Variants in ATG7 observed in about 807,000 individuals in gnomAD.
ATG7 encodes the protein autophagy related 7, also known as ubiquitin-like modifier-activating enzyme ATG7.
Under a neutral mutation model 82.4 loss-of-function variants are expected in ATG7, and 70 were observed. The observed-to-expected ratio is 0.85, with a 90% CI of 0.70 to 1.04. The LOEUF is 1.04. ATG7 is among the 50% of genes least tolerant of loss of function. The probability of loss-of-function intolerance (pLI) is 0.00; values close to 1 mark genes in which losing one functional copy is unlikely to be tolerated. For missense variants in ATG7, 792 were observed against 864.3 expected (o/e 0.92, Z 1.05); for synonymous variants, 287 against 313.0 (o/e 0.92, Z 0.88).
At chr3:11,440,674 C>CTATTTTTT (rs2083842076) in intron 20 of ATG7, among the ~76,000 whole-genome samples, 1 of 39,484 alleles carries the variant, frequency 2.5e-5, no homozygotes, top group Non-Finnish European at 4.1e-5. Flanking sequence ...TCCCCATTTG[C>CTATTTTTT]TTTTTTTTTT....
chr3:11,401,744 G>A (rs1276092782), intron 19 of ATG7, among the ~76,000 whole-genome samples: 1 of 152,180 alleles, frequency 6.6e-6, no homozygotes, highest in Admixed American at 6.5e-5. Context: ...CAGAGTCCAG[G>A]AGGGTCCCAC....
intron 19 of ATG7, among the ~76,000 whole-genome samples, chr3:11,394,142 A>G (rs1043074213): frequency 1.1e-4 from 17 of 152,324 alleles, no homozygotes; most frequent in African/African-American, 4.1e-4. Flanking sequence ...CTCATCCTTT[A>G]TAGTTCCTCT....
intron 20 of ATG7, among the ~76,000 whole-genome samples, chr3:11,488,653 C>A (rs1206285663): frequency 1.3e-5 from 2 of 152,180 alleles, no homozygotes; most frequent in African/African-American, 4.8e-5. Context: ...GCCGTGACCT[C>A]CTCTCAAGAT....
At chr3:11,562,428 G>A (rs753012644), downstream of ATG7, among the ~76,000 whole-genome samples, 20 of 152,078 alleles carry the variant, frequency 1.3e-4, no homozygotes, top group Non-Finnish European at 2.4e-4. Flanking sequence ...CACCCCACAG[G>A]GCTGCAGCAT....
At chr3:11,497,762 T>C (rs528257188) in intron 20 of ATG7, among the ~76,000 whole-genome samples, 18 of 152,162 alleles carry the variant, frequency 1.2e-4, no homozygotes, top group Admixed American at 2.6e-4. Flanking sequence ...GTTTCCCATG[T>C]CTCTGCCAAT....
At chr3:11,306,051 G>A (rs1470613) in intron 5 of ATG7, among the ~76,000 whole-genome samples, 30,509 of 152,186 alleles carry the variant, frequency 0.2, 3,454 homozygotes, top group South Asian at 0.35. Flanking sequence ...GACCAGATTT[G>A]TCCACATCTG....
intron 1 of ATG7, among the ~76,000 whole-genome samples, chr3:11,273,631 A>G (rs1280844880): frequency 2.0e-5 from 3 of 152,212 alleles, no homozygotes; most frequent in Admixed American, 6.5e-5. Context: ...CATATTATAT[A>G]TGCTCAATAA....
At chr3:11,333,496 G>A (rs1951938520) in intron 11 of ATG7, among the ~76,000 whole-genome samples, 1 of 152,090 alleles carries the variant, frequency 6.6e-6, no homozygotes, top group African/African-American at 2.4e-5. Flanking sequence ...TAGTAAACCA[G>A]TCAGGAAAAA....
intron 20 of ATG7, 137 bp from the exon 21 acceptor site, chr3:11,554,674 G>A (rs906890952): frequency 5.4e-5 from 57 of 1,052,080 alleles, no homozygotes; most frequent in Admixed American, 1.7e-4. Flanking sequence ...GTACAGAAAT[G>A]GGGTGACAGT....
At chr3:11,508,629 G>T (rs2091878056) in intron 20 of ATG7, among the ~76,000 whole-genome samples, 2 of 152,054 alleles carry the variant, frequency 1.3e-5, no homozygotes, top group African/African-American at 4.8e-5. Flanking sequence ...TTATTTTCTT[G>T]TAATAGAGAC....
intron 14 of ATG7, among the ~76,000 whole-genome samples, chr3:11,354,263 T>A (rs2075771360): frequency 1.3e-5 from 2 of 152,198 alleles, no homozygotes; most frequent in South Asian, 4.1e-4. Context: ...AGCGCTCTGC[T>A]ACAGATACCA....
At chr3:11,510,355 CTTTG>C in intron 20 of ATG7, 1 of 440,508 alleles carries the variant, frequency 2.3e-6, no homozygotes, top group Non-Finnish European at 4.6e-6. Flanking sequence ...TCTTATTTGT[CTTTG>C]TAAGTTTGTC....
intron 19 of ATG7, among the ~76,000 whole-genome samples, chr3:11,388,464 T>C (rs2078490332): frequency 1.3e-5 from 2 of 151,408 alleles, no homozygotes; most frequent in Non-Finnish European, 2.9e-5. Context: ...AGTCTTGCTC[T>C]GTTGCTCAGG....
At chr3:11,536,440 C>T (rs1271144949) in intron 20 of ATG7, among the ~76,000 whole-genome samples, 1 of 152,242 alleles carries the variant, frequency 6.6e-6, no homozygotes, top group Non-Finnish European at 1.5e-5. Context: ...CAGCTCCTTC[C>T]TAACTGCTTT....
At chr3:11,562,433 CAGCATGCGTCCTGCCTGCCTGTGG>C (rs2073105489), downstream of ATG7, among the ~76,000 whole-genome samples, 1 of 152,216 alleles carries the variant, frequency 6.6e-6, no homozygotes, top group Non-Finnish European at 1.5e-5. Context: ...CACAGGGCTG[CAGCATGCGTCCTGCCTGCCTGTGG>C]ACACAGAGCT....
At chr3:11,355,088 T>C (rs2606738) in intron 14 of ATG7, among the ~76,000 whole-genome samples, 89,525 of 152,068 alleles carry the variant, frequency 0.59, 26,788 homozygotes, top group East Asian at 0.68. Flanking sequence ...CGGTAGCACC[T>C]TGAGTCTTTG....
intron 19 of ATG7, among the ~76,000 whole-genome samples, chr3:11,411,976 C>CG (rs2080946040): frequency 1.0e-5 from 1 of 98,206 alleles, no homozygotes; most frequent in African/African-American, 3.2e-5. Context: ...AAAAGACTGT[C>CG]CTTTTTTTTT....
chr3:11,322,185 C>T lies in ATG7; in HGVS notation c.678+6692C>T, dbSNP rs375926036. On this transcript the variant is annotated intron_variant, in intron 9 of 20. Coordinates refer to ENST00000693202, the MANE Select transcript of ATG7 (RefSeq NM_001349232.2). ...TTATAGTTAAAAATACCTGTTATAA[C>T]CCAATACATGTCTTTGAATCTGCAC... 1.8e-3 allele frequency among the ~76,000 whole-genome samples: 273 copies of T among 152,210 alleles called. 2 individuals are homozygous for T. The highest frequency in any genetic ancestry group is 6.5e-3 in the African/African-American group (269 of 41,506).
chr3:11,570,259 C>T, the ATG7 span, among the ~76,000 whole-genome samples: 2 of 152,102 alleles, frequency 1.3e-5, no homozygotes, highest in South Asian at 2.1e-4. Context: ...TCCATCACCT[C>T]GCAGCTCCAT....
Sources: allele counts gnomAD v4.1 joint callset (sites outside exome capture counted in the v4.1 genomes callset), GRCh38; gene constraint gnomAD v4.1.1; transcripts MANE v1.5; gene names NCBI Gene and HGNC (gene_info 2026-07-23, HGNC 2026-07-21).